AOPEP: variants seen among roughly 807,000 people sequenced by gnomAD.
AOPEP encodes the protein aminopeptidase O (putative), also known as aminopeptidase O.
AOPEP carries 77 observed loss-of-function variants against 98.1 expected under a neutral mutation model. That is an observed-to-expected ratio of 0.78 (90% confidence interval 0.65 to 0.95). The LOEUF (loss-of-function observed/expected upper bound fraction) is 0.95, where lower values mean the gene tolerates loss of function less well. AOPEP is among the 40% of genes least tolerant of loss of function. AOPEP has a pLI of 0.00. For missense variants in AOPEP, 1,024 were observed against 1,024.7 expected, an observed-to-expected ratio of 1.00 and a Z score of 0.01; for synonymous variants, 346 against 365.3, an observed-to-expected ratio of 0.95 and a Z score of 0.60.
chr9:95,071,352 G>A (rs980550299), intron 14 of AOPEP, among the ~76,000 whole-genome samples: 41 of 139,748 alleles, frequency 2.9e-4, no homozygotes, highest in African/African-American at 1.1e-3. Flanking sequence ...TTTTGAATTT[G>A]GGATGCTGAA....
At chr9:95,038,843 C>T (rs865991920) in intron 13 of AOPEP, among the ~76,000 whole-genome samples, 2 of 152,112 alleles carry the variant, frequency 1.3e-5, no homozygotes, top group Non-Finnish European at 2.9e-5. Context: ...CCTCCGTTGC[C>T]GCCAGTAGGG....
intron 13 of AOPEP, among the ~76,000 whole-genome samples, chr9:95,013,882 G>T (rs2062768678): frequency 6.6e-6 from 1 of 151,942 alleles, no homozygotes; most frequent in Non-Finnish European, 1.5e-5. Context: ...ATTTTTCCTG[G>T]ACACCCAGAT....
At chr9:94,904,054 G>A (rs2050799028) in intron 5 of AOPEP, 1 of 150,622 alleles carries the variant, frequency 6.6e-6, no homozygotes, top group Non-Finnish European at 1.5e-5. Flanking sequence ...ACTACATACC[G>A]TAACTACTCA....
chr9:95,135,533 C>T, the AOPEP span: 7 of 1,602,920 alleles, frequency 4.4e-6, no homozygotes, highest in East Asian at 1.3e-4. Context: ...AAATTTTAAA[C>T]AGAAATGGCT....
intron 13 of AOPEP, among the ~76,000 whole-genome samples, chr9:95,047,044 A>T (rs956838792): frequency 6.6e-6 from 1 of 152,232 alleles, no homozygotes; most frequent in African/African-American, 2.4e-5. Flanking sequence ...GTTGCCAAAC[A>T]TGGCATTTTG....
intron 13 of AOPEP, among the ~76,000 whole-genome samples, chr9:95,020,780 T>C (rs981263694): frequency 5.9e-5 from 9 of 151,432 alleles, no homozygotes; most frequent in Admixed American, 6.6e-5. Flanking sequence ...TAGCCAGGTG[T>C]GGTGGTGCAT....
the AOPEP span, among the ~76,000 whole-genome samples, chr9:95,120,643 G>T: frequency 6.6e-6 from 1 of 151,954 alleles, no homozygotes; most frequent in Non-Finnish European, 1.5e-5. Context: ...GGCTGGTCTT[G>T]AACTCAACTC....
chr9:95,005,691 C>T (rs1023836609), intron 13 of AOPEP, 75 bp downstream of exon 13: 9 of 1,151,496 alleles, frequency 7.8e-6, no homozygotes, highest in Admixed American at 3.4e-5. Context: ...CTGGTCATGA[C>T]AATAGAGTAG....
At chr9:94,826,778 A>G (rs549760520) in intron 5 of AOPEP, among the ~76,000 whole-genome samples, 1 of 152,186 alleles carries the variant, frequency 6.6e-6, no homozygotes, top group East Asian at 1.9e-4. Context: ...TGATGATATT[A>G]GTGGAGGTGG....
intron 13 of AOPEP, among the ~76,000 whole-genome samples, chr9:95,060,347 T>A (rs542905331): frequency 6.6e-6 from 1 of 152,246 alleles, no homozygotes; most frequent in Non-Finnish European, 1.5e-5. Flanking sequence ...TTGTCTAGGC[T>A]AAATTACATT....
At chr9:95,024,192 C>A (rs565842997) in intron 13 of AOPEP, among the ~76,000 whole-genome samples, 18 of 152,216 alleles carry the variant, frequency 1.2e-4, no homozygotes, top group Non-Finnish European at 2.2e-4. Flanking sequence ...TTTTTCCCCA[C>A]CTGATCCCTG....
intron 14 of AOPEP, among the ~76,000 whole-genome samples, chr9:95,073,296 T>C (rs1306934689): frequency 6.6e-6 from 1 of 151,866 alleles, no homozygotes; most frequent in Non-Finnish European, 1.5e-5. Flanking sequence ...GGAGCTGGAG[T>C]GGGGCCTGGT....
chr9:94,805,497 T>TG (rs1339932000), intron 5 of AOPEP, among the ~76,000 whole-genome samples: 4 of 151,866 alleles, frequency 2.6e-5, no homozygotes, highest in African/African-American at 9.7e-5. Flanking sequence ...TTTTGTTTTT[T>TG]TTTTTAAAAA....
At chr9:94,844,162 T>A (rs949632433) in intron 5 of AOPEP, among the ~76,000 whole-genome samples, 3 of 152,272 alleles carry the variant, frequency 2.0e-5, no homozygotes, top group African/African-American at 4.8e-5. Flanking sequence ...TTCAACTGAT[T>A]CTTATTCTTC....
At chr9:94,897,798 T>C (rs1451393440) in intron 5 of AOPEP, among the ~76,000 whole-genome samples, 2 of 151,980 alleles carry the variant, frequency 1.3e-5, no homozygotes, top group Non-Finnish European at 2.9e-5. Flanking sequence ...TGTGACTTCT[T>C]TGAGGGCCAT....
intron 1 of AOPEP, among the ~76,000 whole-genome samples, chr9:94,759,062 C>G (rs538492607): frequency 7.2e-5 from 11 of 152,216 alleles, no homozygotes; most frequent in Middle Eastern, 3.4e-3. Context: ...CGTGAACAAT[C>G]TCAAAGGAAT....
At chr9:94,771,674 C>G (rs1028805403) in intron 2 of AOPEP, among the ~76,000 whole-genome samples, 2 of 152,030 alleles carry the variant, frequency 1.3e-5, no homozygotes, top group East Asian at 3.9e-4. Context: ...TAACGTATTT[C>G]TCCTCCTCCT....
chr9:95,148,812 A>T, the AOPEP span, among the ~76,000 whole-genome samples: 1 of 152,242 alleles, frequency 6.6e-6, no homozygotes, highest in Non-Finnish European at 1.5e-5. Context: ...ATAATTTCAG[A>T]TTCCACATTG....
At chr9:95,034,517 A>G (rs933408268) in intron 13 of AOPEP, among the ~76,000 whole-genome samples, 1 of 152,256 alleles carries the variant, frequency 6.6e-6, no homozygotes, top group Admixed American at 6.5e-5. Flanking sequence ...CAGGAATGAC[A>G]TGAGGGCTGA....
Sources: gnomAD v4.1 joint callset for allele counts (sites outside exome capture counted in the v4.1 genomes callset) on GRCh38, gnomAD v4.1.1 for gene constraint, MANE v1.5 for transcripts, NCBI Gene and HGNC (gene_info 2026-07-23, HGNC 2026-07-21) for gene names.